Variants in ELOVL7 observed in about 807,000 individuals in gnomAD.
The protein encoded by ELOVL7 is very long chain fatty acid elongase 7.
In ELOVL7, 27 loss-of-function variants were observed where a neutral mutation model predicts 35.7. The ratio of observed to expected loss-of-function variants is 0.76; its 90% CI spans 0.56 to 1.04. The LOEUF (loss-of-function observed/expected upper bound fraction) is 1.04, where lower values mean the gene tolerates loss of function less well. ELOVL7 is among the 50% of genes least tolerant of loss of function. ELOVL7 has a pLI of 0.00. For missense variants in ELOVL7, 327 were observed against 340.8 expected (o/e 0.96, Z 0.32); for synonymous variants, 113 against 114.6 (o/e 0.99, Z 0.09).
chr5:60,798,044 C>T (rs1248150895), intron 2 of ELOVL7, among the ~76,000 whole-genome samples: 2 of 152,146 alleles, frequency 1.3e-5, no homozygotes, highest in African/African-American at 2.4e-5. Context: ...AGTTGTCCCG[C>T]GTTTCCACAC....
At chr5:60,824,962 T>TTC (rs201471523) in intron 1 of ELOVL7, among the ~76,000 whole-genome samples, 10 of 139,070 alleles carry the variant, frequency 7.2e-5, no homozygotes, top group Non-Finnish European at 6.5e-5. Flanking sequence ...TCTCACTTCT[T>TTC]TTTTTTTTTT....
chr5:60,801,359 G>A (rs888618612), intron 1 of ELOVL7, among the ~76,000 whole-genome samples: 1 of 152,152 alleles, frequency 6.6e-6, no homozygotes, highest in African/African-American at 2.4e-5. Flanking sequence ...AATCAGAAAG[G>A]AAGAAGTTAA....
intron 8 of ELOVL7, among the ~76,000 whole-genome samples, chr5:60,756,833 C>T (rs756386483): frequency 3.3e-5 from 5 of 152,096 alleles, no homozygotes; most frequent in Non-Finnish European, 7.4e-5. Context: ...TGGCAGATTT[C>T]TCCTTTTAAT....
chr5:60,789,242 G>A lies in ELOVL7; in HGVS notation c.-34-1811C>T, dbSNP rs565985122. ...ATGTTCAATTCATATCATAGACAAC[G>A]GCTACTCTCCCTAATATATGACAAG... is the stretch of plus-strand genomic sequence containing the variant. On this transcript the variant is annotated intron_variant, in intron 2 of 8. Coordinates refer to ENST00000508821, the MANE Select transcript of ELOVL7 (RefSeq NM_024930.3). Among the ~76,000 whole-genome samples, 109 of 152,168 alleles carry A rather than the reference G, an allele frequency of 7.2e-4. 1 individual carries two copies. The highest frequency in any genetic ancestry group is 2.4e-3 in the African/African-American group (101 of 41,542).
intron 1 of ELOVL7, among the ~76,000 whole-genome samples, chr5:60,811,858 A>G (rs147039723): frequency 6.9e-4 from 105 of 152,314 alleles, no homozygotes; most frequent in Middle Eastern, 3.4e-3. Context: ...TCTTATAGCA[A>G]CATAAAGGGT....
intron 1 of ELOVL7, among the ~76,000 whole-genome samples, chr5:60,819,784 G>A (rs535476470): frequency 2.5e-4 from 38 of 152,132 alleles, no homozygotes; most frequent in Non-Finnish European, 4.3e-4. Flanking sequence ...ACTCTGTCTC[G>A]AGAGAAAAAC....
intron 1 of ELOVL7, among the ~76,000 whole-genome samples, chr5:60,824,898 G>C (rs1387664473): frequency 4.0e-5 from 6 of 151,740 alleles, no homozygotes; most frequent in Non-Finnish European, 7.4e-5. Context: ...TGGGCTCCAC[G>C]GCCTTACATG....
chr5:60,826,564 C>T lies in ELOVL7; in HGVS notation c.-86+17596G>A, dbSNP rs140318929. Among the ~76,000 whole-genome samples, 19 of 152,224 alleles carry T rather than the reference C, an allele frequency of 1.2e-4. No individual in the cohort carries two copies. The East Asian group carries it at 3.7e-3, about 29-fold the overall frequency. The stretch of plus-strand genomic sequence containing the variant: ...TTGCAAGGCATTTCTAATGCCAGTG[C>T]CTGTTTTTTAACAAATTTCCTGTCT... On this transcript the variant is annotated intron_variant, in intron 1 of 8. Transcript: ENST00000508821.
chr5:60,798,346 G>A (rs944997588), intron 2 of ELOVL7, among the ~76,000 whole-genome samples: 4 of 152,142 alleles, frequency 2.6e-5, no homozygotes, highest in South Asian at 2.1e-4. Context: ...GGTCAAAGAC[G>A]TGATGGGACC....
At chr5:60,803,975 A>G (rs888192470) in intron 1 of ELOVL7, among the ~76,000 whole-genome samples, 1 of 152,216 alleles carries the variant, frequency 6.6e-6, no homozygotes, top group African/African-American at 2.4e-5. Flanking sequence ...AAAAGATAAT[A>G]TATGTGCATG....
intron 1 of ELOVL7, among the ~76,000 whole-genome samples, chr5:60,816,531 A>G (rs1268169299): frequency 6.6e-6 from 1 of 152,210 alleles, no homozygotes; most frequent in Non-Finnish European, 1.5e-5. Context: ...ACCCCACCAC[A>G]ACCCACAATA....
At chr5:60,825,522 T>C (rs1328007642) in intron 1 of ELOVL7, among the ~76,000 whole-genome samples, 1 of 152,238 alleles carries the variant, frequency 6.6e-6, no homozygotes, top group African/African-American at 2.4e-5. Context: ...ATAAGCTGCT[T>C]AGGGGCAGGG....
At chr5:60,837,690 C>A (rs1045514561) in intron 1 of ELOVL7, among the ~76,000 whole-genome samples, 3 of 152,034 alleles carry the variant, frequency 2.0e-5, no homozygotes, top group African/African-American at 7.3e-5. Context: ...GCCTGTAATC[C>A]CAGCACTTTA....
At chr5:60,814,489 T>C (rs936335586) in intron 1 of ELOVL7, among the ~76,000 whole-genome samples, 3 of 152,182 alleles carry the variant, frequency 2.0e-5, no homozygotes, top group Non-Finnish European at 4.4e-5. Context: ...CAAGGGAGTA[T>C]AGTGAGTTGC....
chr5:60,811,949 C>T (rs1282450242), intron 1 of ELOVL7, among the ~76,000 whole-genome samples: 1 of 152,170 alleles, frequency 6.6e-6, no homozygotes, highest in African/African-American at 2.4e-5. Flanking sequence ...GGTACAGTCA[C>T]TCAGACCTTT....
intron 1 of ELOVL7, among the ~76,000 whole-genome samples, chr5:60,821,929 A>G (rs1745913450): frequency 6.6e-6 from 1 of 152,250 alleles, no homozygotes; most frequent in Non-Finnish European, 1.5e-5. Context: ...GATCCACGAT[A>G]GGGAAAAAAA....
chr5:60,799,841 T>C (rs7709422), intron 1 of ELOVL7, among the ~76,000 whole-genome samples: 87,705 of 151,386 alleles, frequency 0.58, 26,110 homozygotes, highest in East Asian at 0.89. Context: ...AGTTCGAGAC[T>C]AGCCTGACCA....
At chr5:60,825,222 C>A (rs1365839581) in intron 1 of ELOVL7, among the ~76,000 whole-genome samples, 3 of 152,110 alleles carry the variant, frequency 2.0e-5, no homozygotes, top group African/African-American at 7.2e-5. Context: ...GCATTGATCC[C>A]CTTGTCCTTC....
At chr5:60,774,880 C>T (rs1742812869) in intron 3 of ELOVL7, among the ~76,000 whole-genome samples, 1 of 151,814 alleles carries the variant, frequency 6.6e-6, no homozygotes, top group African/African-American at 2.4e-5. Flanking sequence ...AATCTCCTGC[C>T]TCAGTCTCCT....
Sources: gnomAD v4.1 joint callset for allele counts (sites outside exome capture counted in the v4.1 genomes callset) on GRCh38, gnomAD v4.1.1 for gene constraint, MANE v1.5 for transcripts, NCBI Gene and HGNC (gene_info 2026-07-23, HGNC 2026-07-21) for gene names.